The following SP100 variants were observed in gnomAD, a reference collection of about 807,000 sequenced individuals.
SP100 encodes nuclear autoantigen Sp-100.
In SP100, 84 loss-of-function variants were observed where a neutral mutation model predicts 130.0. The observed-to-expected ratio is 0.65, with a 90% CI of 0.54 to 0.77. The LOEUF (loss-of-function observed/expected upper bound fraction) is 0.77. Among genes scored for constraint, SP100 ranks in the 30% least tolerant of loss-of-function variants. The pLI, the probability that SP100 is intolerant of heterozygous loss-of-function variation, is 0.00. For synonymous variants in SP100, 331 were observed against 351.7 expected, an observed-to-expected ratio of 0.94 and a Z score of 0.66; for missense variants, 978 against 1,052.2, an observed-to-expected ratio of 0.93 and a Z score of 0.97.
chr2:230,486,911 C>T lies in SP100; in HGVS notation c.1601-7505C>T, dbSNP rs186123889. On this transcript the variant is annotated intron_variant, in intron 17 of 28. Transcript: ENST00000340126. ...GGTAACTCACTGTGGTTTTGATTTG[C>T]GTTTCTCTAATGTTCAGTGATGTTG... Among the ~76,000 whole-genome samples, 157 of 152,268 alleles carry T rather than the reference C, an allele frequency of 1.0e-3. 1 individual carries two copies. The highest frequency in any genetic ancestry group is 2.6e-3 in the African/African-American group (110 of 41,542).
At chr2:230,469,546 C>A in intron 14 of SP100, 1 of 457,052 alleles carries the variant, frequency 2.2e-6, no homozygotes, top group Non-Finnish European at 4.4e-6. Flanking sequence ...ATGTATGTTC[C>A]TTTTATTTGA....
At chr2:230,418,348 G>A (rs941236542) in intron 2 of SP100, among the ~76,000 whole-genome samples, 1 of 152,052 alleles carries the variant, frequency 6.6e-6, no homozygotes, top group Admixed American at 6.5e-5. Context: ...GTTTCTGTAC[G>A]CCTGCAAGCT....
chr2:230,447,205 G>T (rs1394939409), intron 5 of SP100, among the ~76,000 whole-genome samples: 1 of 152,148 alleles, frequency 6.6e-6, no homozygotes, highest in South Asian at 2.1e-4. Context: ...AGTTGCAAAG[G>T]GTTAAGAACC....
chr2:230,445,785 T>C (rs771645966), intron 4 of SP100, among the ~76,000 whole-genome samples: 44 of 152,174 alleles, frequency 2.9e-4, no homozygotes, highest in Non-Finnish European at 6.3e-4. Flanking sequence ...TTCCTCTCCA[T>C]GGACTGCAGG....
intron 24 of SP100, among the ~76,000 whole-genome samples, chr2:230,526,433 T>A (rs1296755718): frequency 6.6e-6 from 1 of 152,094 alleles, no homozygotes; most frequent in East Asian, 1.9e-4. Context: ...AGATCAAAGG[T>A]AGGTAAAACC....
intron 17 of SP100, among the ~76,000 whole-genome samples, chr2:230,475,241 G>A (rs770280851): frequency 2.0e-5 from 3 of 152,132 alleles, no homozygotes; most frequent in African/African-American, 4.8e-5. Context: ...TCTGAGTAGT[G>A]TGAGATGGTA....
chr2:230,506,206 C>A, intron 21 of SP100, 97 bp from the exon 22 acceptor site: 1 of 1,343,800 alleles, frequency 7.4e-7, no homozygotes, highest in Non-Finnish European at 1.0e-6. Flanking sequence ...TGCTACGATC[C>A]TAAGCCCAAA....
chr2:230,540,898 T>A lies in SP100; in HGVS notation c.2233T>A (p.Cys745Ser). 1 of 1,612,594 alleles carries A rather than the reference T, an allele frequency of 6.2e-7. No individual in the cohort carries two copies. The highest frequency in any genetic ancestry group is 8.5e-7 in the Non-Finnish European group (1 of 1,178,918). ...ANKNPWSCIFCRIKTIQERCP... is the reference protein window; with the variant it reads ...ANKNPWSCIFSRIKTIQERCP... ...CAGGAACCCGTGGAGTTGCATCTTC[T>A]GCAGGATAAAGACTATTCAGGAAAG... Residue 745 changes from cysteine to serine, a missense_variant, in exon 26 of 29, where the codon TGC (cysteine) becomes AGC (serine). Cys to Ser is a moderately radical substitution (Grantham distance 112). Transcript: ENST00000340126.
intron 28 of SP100, 149 bp downstream of exon 28, chr2:230,542,184 A>T (rs1692203794): frequency 1.2e-6 from 1 of 843,832 alleles, no homozygotes; most frequent in Admixed American, 2.7e-5. Context: ...GTATCCTAAA[A>T]GCCCTGTAGT....
In SP100 at chr2:230,508,021, C is replaced by T; in HGVS notation, c.2042C>T (p.Thr681Ile). Residue 681 changes from threonine (T) to isoleucine (I), a missense_variant, in exon 23 of 29, where the codon ACA (threonine) becomes ATA (isoleucine). Physicochemically the swap from Thr to Ile is moderately conservative, Grantham distance 89. Coordinates refer to ENST00000340126, the MANE Select transcript of SP100 (RefSeq NM_001080391.2). ...ENKFLPEPPS[T>I]RKKRILESHN... ...AAATTTCTGCCAGAACCACCAAGCA[C>T]AAGAAAAAAGGTGATGATCAAGTGA... The T allele has an allele frequency of 6.2e-7, 1 of 1,612,840 alleles. No homozygotes were observed. The highest frequency in any genetic ancestry group is 2.2e-5 in the East Asian group (1 of 44,794).
rs1361445961 is a variant in SP100, at chr2:230,449,453, T to G, written c.587-108T>G. 3 of 1,258,926 alleles carry G rather than the reference T, an allele frequency of 2.4e-6. No homozygotes were observed. In the African/African-American group the frequency reaches 4.4e-5, roughly 19 times the overall value. 78.0% of individuals were successfully genotyped at this position (1,258,926 alleles called of 1,614,324 possible). ...CATCTGCTTGAATCTGGCTGTTGCC[T>G]TGGTGCCTTGACCTTACGTCCATCA... On this transcript the variant is annotated intron_variant, in intron 6 of 28. Coordinates refer to ENST00000340126, the MANE Select transcript of SP100 (RefSeq NM_001080391.2).
At chr2:230,458,462 G>A (rs1293551414) in intron 8 of SP100, among the ~76,000 whole-genome samples, 1 of 152,222 alleles carries the variant, frequency 6.6e-6, no homozygotes, top group Non-Finnish European at 1.5e-5. Flanking sequence ...CTGCATACAA[G>A]TGGACTCATG....
At chr2:230,429,588 T>C (rs976775695) in intron 2 of SP100, among the ~76,000 whole-genome samples, 9 of 152,134 alleles carry the variant, frequency 5.9e-5, no homozygotes, top group African/African-American at 2.2e-4. Flanking sequence ...TCCCATAATT[T>C]GTATGTTGTT....
At chr2:230,465,773 C>T (rs1482535746) in intron 11 of SP100, among the ~76,000 whole-genome samples, 1 of 152,112 alleles carries the variant, frequency 6.6e-6, no homozygotes, top group African/African-American at 2.4e-5. Context: ...TAAAAAGAGG[C>T]ATTTCCAAAT....
chr2:230,499,685 G>A (rs537069692), intron 19 of SP100, among the ~76,000 whole-genome samples: 116 of 150,996 alleles, frequency 7.7e-4, no homozygotes, highest in Non-Finnish European at 1.2e-3. Context: ...CATGGGAATC[G>A]TGCTTCTTCA....
chr2:230,429,112 C>G (rs954493597), intron 2 of SP100, among the ~76,000 whole-genome samples: 2 of 152,190 alleles, frequency 1.3e-5, no homozygotes, highest in African/African-American at 4.8e-5. Context: ...AAGAACCCCT[C>G]TAGCATTTCT....
chr2:230,477,007 A>C (rs922433629), intron 17 of SP100, among the ~76,000 whole-genome samples: 1 of 151,984 alleles, frequency 6.6e-6, no homozygotes, highest in African/African-American at 2.4e-5. Context: ...CTAGGATTAC[A>C]GGTACCTGCC....
chr2:230,506,355 G>C lies in SP100; in HGVS notation c.1923G>C (p.Arg641Ser), dbSNP rs1227631227. 86 of 1,613,922 alleles carry C rather than the reference G, an allele frequency of 5.3e-5. No individual in the cohort carries two copies. The highest frequency in any genetic ancestry group is 7.3e-5 in the Non-Finnish European group (86 of 1,179,842). Residue 641 changes from arginine to serine, a missense_variant, in exon 22 of 29, where the codon AGG becomes AGC. Transcript: ENST00000340126. ...AGGATAAAAAGTGGTTCACTCCCAG[G>C]GAATTTGAAATTGAAGGAGACCGCG... ...QSEDKKWFTP[R>S]EFEIEGDRGA...
At chr2:230,491,242 G>T in intron 17 of SP100, among the ~76,000 whole-genome samples, 1 of 152,326 alleles carries the variant, frequency 6.6e-6, no homozygotes, top group Non-Finnish European at 1.5e-5. Flanking sequence ...TGTCTGGGCT[G>T]CACGGATTCC....
Sources: gnomAD v4.1 joint callset for allele counts (sites outside exome capture counted in the v4.1 genomes callset) on GRCh38, gnomAD v4.1.1 for gene constraint, MANE v1.5 for transcripts, NCBI Gene and HGNC (gene_info 2026-07-23, HGNC 2026-07-21) for gene names.